The following PRKN variants were observed in gnomAD, a reference collection of about 807,000 sequenced individuals.
PRKN encodes parkin RBR E3 ubiquitin protein ligase, also known as E3 ubiquitin-protein ligase parkin.
A neutral mutation model predicts 59.5 loss-of-function variants in PRKN; 56 were observed. The observed-to-expected ratio is 0.94, with a 90% CI of 0.76 to 1.18. The LOEUF (loss-of-function observed/expected upper bound fraction) is 1.18, where lower values mean the gene tolerates loss of function less well. Ranked by LOEUF, PRKN falls within the 50% of genes most tolerant of loss-of-function variation. The pLI is 0.00. For synonymous variants in PRKN, 250 were observed against 222.1 expected, an observed-to-expected ratio of 1.13 and a Z score of -1.12; for missense variants, 657 against 596.4, an observed-to-expected ratio of 1.10 and a Z score of -1.06.
At chr6:162,436,852 G>A (rs1789797170) in intron 2 of PRKN, among the ~76,000 whole-genome samples, 1 of 152,006 alleles carries the variant, frequency 6.6e-6, no homozygotes, top group South Asian at 2.1e-4. Context: ...AGCACTTTGG[G>A]AGGACAAGAT....
intron 7 of PRKN, among the ~76,000 whole-genome samples, chr6:161,665,710 T>C (rs1784701531): frequency 6.6e-6 from 1 of 152,168 alleles, no homozygotes; most frequent in East Asian, 1.9e-4. Context: ...AATTCTGACT[T>C]CCAGTAGTGA....
chr6:162,052,815 C>G (rs1467346813), intron 5 of PRKN, among the ~76,000 whole-genome samples: 1 of 149,984 alleles, frequency 6.7e-6, no homozygotes, highest in African/African-American at 2.5e-5. Flanking sequence ...TTTGTACTTA[C>G]AAGTTTATAG....
At chr6:161,643,970 G>T (rs1783833530) in intron 7 of PRKN, among the ~76,000 whole-genome samples, 1 of 99,210 alleles carries the variant, frequency 1.0e-5, no homozygotes, top group Admixed American at 8.1e-5. Flanking sequence ...AGATATCTTG[G>T]TGGGGGGGGC....
In PRKN at chr6:162,000,336, T is replaced by C. The variant is rs557836205; in HGVS notation, c.619-26919A>G. 6.6e-5 allele frequency among the ~76,000 whole-genome samples: 10 copies of C among 152,212 alleles called. No individual in the cohort carries two copies. In the South Asian group the frequency reaches 1.0e-3, roughly 16 times the overall value. On this transcript the variant is annotated intron_variant, in intron 5 of 11. Transcript: ENST00000366898. ...GTGTCAGTGTCCTGGATTTTGGCCA[T>C]TGTAATAGATGTGTACTGGTATCTC... is the stretch of plus-strand genomic sequence containing the variant.
chr6:162,530,692 A>T (rs533133278), intron 1 of PRKN, among the ~76,000 whole-genome samples: 2 of 152,354 alleles, frequency 1.3e-5, no homozygotes, highest in African/African-American at 4.8e-5. Context: ...TATTAGCAGC[A>T]TGTTTAATGG....
At position 161,352,769 on chromosome 6, in the gene PRKN, A is replaced by ATATATATTTTT. The variant is rs1398780449; in HGVS notation, c.1286-2559_1286-2558insAAAAATATATA. 8.4e-6 allele frequency among the ~76,000 whole-genome samples: 1 copy of ATATATATTTTT among 119,448 alleles called. No homozygotes were observed. Among genetic ancestry groups the ATATATATTTTT allele is most frequent in the Non-Finnish European group, 1.9e-5 (1 of 53,020 alleles). The allele number at this position is 119,448 out of a possible 152,430, so 78.4% of individuals were successfully genotyped here. A position where few individuals can be genotyped will look rare whatever the true frequency, so the allele number is the denominator to read the frequency against. ...TGTGTGTGTGTGTATATATATATAT[A>ATATATATTTTT]TATTTTATTTTATTTTATTTTATTT... On this transcript the variant is annotated intron_variant, in intron 11 of 11. Coordinates refer to ENST00000366898, the MANE Select transcript of PRKN (RefSeq NM_004562.3). The surrounding 1 kb of genome is among the most constrained non-coding windows in gnomAD (Gnocchi z 5.8).
At chr6:161,599,881 A>G (rs903032761) in intron 7 of PRKN, among the ~76,000 whole-genome samples, 7 of 152,200 alleles carry the variant, frequency 4.6e-5, no homozygotes, top group African/African-American at 1.7e-4. Context: ...TGGGTGAGGA[A>G]TGTACAGAGA....
chr6:161,756,168 G>A (rs1299333776), intron 7 of PRKN, among the ~76,000 whole-genome samples: 3 of 151,962 alleles, frequency 2.0e-5, no homozygotes, highest in East Asian at 1.9e-4. Context: ...TCGGCCAGAC[G>A]CGGTGGCTCA....
chr6:162,140,153 A>C (rs1466683433), intron 4 of PRKN, among the ~76,000 whole-genome samples: 1 of 152,218 alleles, frequency 6.6e-6, no homozygotes, highest in Admixed American at 6.5e-5. Flanking sequence ...TGAACATTCA[A>C]TTGGGGATTG....
At chr6:162,139,423 C>T (rs529089741) in intron 4 of PRKN, among the ~76,000 whole-genome samples, 6 of 152,062 alleles carry the variant, frequency 3.9e-5, no homozygotes, top group African/African-American at 4.8e-5. Context: ...TAACAAGTGA[C>T]GTGACACAGA....
At chr6:162,335,876 T>C (rs2128126225) in intron 2 of PRKN, among the ~76,000 whole-genome samples, 1 of 151,924 alleles carries the variant, frequency 6.6e-6, no homozygotes, top group African/African-American at 2.4e-5. Flanking sequence ...GCCCTGGGAC[T>C]TGAGACTTTA....
chr6:161,570,045 C>T (rs544063851), intron 7 of PRKN, among the ~76,000 whole-genome samples: 108 of 148,618 alleles, frequency 7.3e-4, no homozygotes, highest in African/African-American at 2.2e-3. Flanking sequence ...ATCACTTTCT[C>T]GTTCCACCCA....
chr6:162,121,734 G>A (rs940984649), intron 4 of PRKN, among the ~76,000 whole-genome samples: 7 of 152,318 alleles, frequency 4.6e-5, no homozygotes, highest in South Asian at 2.1e-4. Context: ...TGGCCATGAT[G>A]AAGGGGATGA....
chr6:162,247,236 G>A (rs113400209), intron 3 of PRKN, among the ~76,000 whole-genome samples: 36 of 152,260 alleles, frequency 2.4e-4, no homozygotes, highest in African/African-American at 8.7e-4. Context: ...TTTGGTGGCT[G>A]AGACTTAAAT....
At chr6:162,341,459 T>A (rs1381573833) in intron 2 of PRKN, among the ~76,000 whole-genome samples, 1 of 152,166 alleles carries the variant, frequency 6.6e-6, no homozygotes, top group Non-Finnish European at 1.5e-5. Flanking sequence ...CATGCACATG[T>A]ATGTTTATTG....
intron 6 of PRKN, among the ~76,000 whole-genome samples, chr6:161,926,307 T>C (rs888854888): frequency 1.4e-4 from 22 of 152,182 alleles, no homozygotes; most frequent in African/African-American, 5.1e-4. Flanking sequence ...TTCCCTATTA[T>C]ATATTCCTGT....
At chr6:161,856,140 A>G (rs1033275522) in intron 6 of PRKN, among the ~76,000 whole-genome samples, 4 of 152,120 alleles carry the variant, frequency 2.6e-5, no homozygotes, top group African/African-American at 9.7e-5. Flanking sequence ...TGGGCAGATC[A>G]CCTGAGGTCA....
At chr6:162,379,147 C>A (rs77930174) in intron 2 of PRKN, among the ~76,000 whole-genome samples, 2,653 of 152,220 alleles carry the variant, frequency 0.017, 46 homozygotes, top group East Asian at 0.07. Context: ...CATCTCTAAA[C>A]TATATTTGGC....
chr6:161,444,718 A>C lies in PRKN; in HGVS notation c.1084-57841T>G, dbSNP rs533472861. On this transcript the variant is annotated intron_variant, in intron 9 of 11. Coordinates refer to ENST00000366898, the MANE Select transcript of PRKN (RefSeq NM_004562.3). The surrounding 1 kb of genome is among the most constrained non-coding windows in gnomAD (Gnocchi z 5.6). ...CACGAGCGCTACCGCGTGGCGGTGG[A>C]AACATTTGTTCCCCTTGATGAATGA... Among the ~76,000 whole-genome samples the C allele has an allele frequency of 9.8e-4, 150 of 152,318 alleles. 1 individual carries two copies. Among genetic ancestry groups the C allele is most frequent in the African/African-American group, 3.2e-3 (133 of 41,570 alleles).
Sources: gnomAD v4.1 joint callset for allele counts (sites outside exome capture counted in the v4.1 genomes callset) on GRCh38, gnomAD v4.1.1 for gene constraint, Gnocchi (gnomAD v3.1) non-coding constraint, MANE v1.5 for transcripts, NCBI Gene and HGNC (gene_info 2026-07-23, HGNC 2026-07-21) for gene names.